The following SAMD4A variants were observed in gnomAD, a reference collection of about 807,000 sequenced individuals.
SAMD4A encodes the protein sterile alpha motif domain containing 4A.
SAMD4A carries 33 observed loss-of-function variants against 81.3 expected under a neutral mutation model. The observed-to-expected ratio is 0.41, with a 90% CI of 0.31 to 0.54. The LOEUF is 0.54. Among genes scored for constraint, SAMD4A ranks in the 20% least tolerant of loss-of-function variants. The probability of loss-of-function intolerance (pLI) is 0.37; values close to 1 mark genes in which losing one functional copy is unlikely to be tolerated. For synonymous variants in SAMD4A, 389 were observed against 382.1 expected (o/e 1.02, Z -0.21); for missense variants, 854 against 951.1 (o/e 0.90, Z 1.34).
chr14:54,565,423 G>A (rs1007651728), upstream of SAMD4A, among the ~76,000 whole-genome samples: 5 of 152,238 alleles, frequency 3.3e-5, no homozygotes, highest in African/African-American at 9.6e-5. The surrounding 1 kb of genome is among the most constrained non-coding windows in gnomAD (Gnocchi z 5.4). Context: ...CCGGCCTCTA[G>A]GAGCCTGCGC....
intron 2 of SAMD4A, among the ~76,000 whole-genome samples, chr14:54,580,106 A>G (rs1259732335): frequency 6.6e-6 from 1 of 152,222 alleles, no homozygotes; most frequent in Non-Finnish European, 1.5e-5. Flanking sequence ...ACCTGAGAAG[A>G]CTGAGGTGTA....
intron 2 of SAMD4A, among the ~76,000 whole-genome samples, chr14:54,676,077 C>T (rs138597856): frequency 3.3e-5 from 5 of 152,240 alleles, no homozygotes; most frequent in African/African-American, 9.6e-5. Flanking sequence ...AAAGCAAGGC[C>T]GCGACTCAAT....
At chr14:54,688,395 G>A in intron 2 of SAMD4A, 1 of 983,658 alleles carries the variant, frequency 1.0e-6, no homozygotes, top group Non-Finnish European at 1.2e-6. Context: ...GGGATTGTGT[G>A]GGGGTGGTTT....
In SAMD4A at chr14:54,702,541, C is replaced by A. The variant is rs1470064143; in HGVS notation, c.676C>A (p.Pro226Thr). 6.2e-7 allele frequency: 1 copy of A among 1,614,084 alleles called. No homozygotes were observed. Among genetic ancestry groups the A allele is most frequent in the South Asian group, 1.1e-5 (1 of 91,076 alleles). Residue 226 changes from proline to threonine, a missense_variant, in exon 3 of 13, where the codon CCC (proline) becomes ACC (threonine). Pro to Thr is a conservative substitution (Grantham distance 38, BLOSUM62 -1). Coordinates refer to ENST00000554335, the MANE Select transcript of SAMD4A (RefSeq NM_015589.6). ...HVPLYSSSSV[P>T]TTINTIGTST... ...GCCCCTCTACTCCTCCTCATCTGTCCCCACCACAATCAATACGATTGGAAC... is the reference window on the plus strand; with the variant it reads ...GCCCCTCTACTCCTCCTCATCTGTCACCACCACAATCAATACGATTGGAAC...
At chr14:54,700,451 G>T (rs2036686568) in intron 2 of SAMD4A, among the ~76,000 whole-genome samples, 1 of 152,204 alleles carries the variant, frequency 6.6e-6, no homozygotes, top group African/African-American at 2.4e-5. Flanking sequence ...GTCTTGAGAA[G>T]CATTGCAGCA....
Position 54,567,590 on chromosome 14 carries a change from C to T in SAMD4A, c.-327C>T. On this transcript the variant is annotated 5_prime_UTR_variant, in exon 2 of 13. Coordinates refer to ENST00000554335, the MANE Select transcript of SAMD4A (RefSeq NM_015589.6). ...GACGCCGGAAATCACCATCCCAAAG[C>T]TGCAAGAAGGGGGGAGAAAGCATTC... The T allele has an allele frequency of 3.1e-6, 1 of 319,852 alleles. No homozygotes were observed. The highest frequency in any genetic ancestry group is 5.7e-6 in the Non-Finnish European group (1 of 173,992). The allele number at this position is 319,852 out of a possible 1,614,324, so 19.8% of individuals were successfully genotyped here.
Position 54,644,651 on chromosome 14 carries a change from A to G in SAMD4A, c.197-57411A>G, listed in dbSNP as rs374458100. Among the ~76,000 whole-genome samples the G allele has an allele frequency of 2.0e-4, 31 of 152,278 alleles. No individual in the cohort carries two copies. The East Asian group carries it at 5.8e-3, about 28-fold the overall frequency. On this transcript the variant is annotated intron_variant, in intron 2 of 12. Transcript: ENST00000554335. ...ACCTCTGCATGGCCCTCGGTAAGGGAAGGGTTTAATTCTAGTGTTCAGCTT... is the reference window on the plus strand; with the variant it reads ...ACCTCTGCATGGCCCTCGGTAAGGGGAGGGTTTAATTCTAGTGTTCAGCTT...
chr14:54,685,362 T>G (rs2036239335), intron 2 of SAMD4A, among the ~76,000 whole-genome samples: 1 of 150,952 alleles, frequency 6.6e-6, no homozygotes, highest in South Asian at 2.1e-4. Flanking sequence ...GCATTTGTCC[T>G]TTTGTGTCTA....
At position 54,652,403 on chromosome 14, in the gene SAMD4A, A is replaced by T. The variant is rs1250909718; in HGVS notation, c.197-49659A>T. 2.0e-5 allele frequency among the ~76,000 whole-genome samples: 3 copies of T among 152,242 alleles called. No homozygotes were observed. The East Asian group carries it at 5.8e-4, about 29-fold the overall frequency. On this transcript the variant is annotated intron_variant, in intron 2 of 12. Coordinates refer to ENST00000554335, the MANE Select transcript of SAMD4A (RefSeq NM_015589.6). ...TCTTCAGACCAACTTGCGGCATGCC[A>T]GCACATTCCTCTCCGATGAGGTGGA...
At chr14:54,621,750 C>A (rs954224542) in intron 2 of SAMD4A, among the ~76,000 whole-genome samples, 3 of 152,172 alleles carry the variant, frequency 2.0e-5, no homozygotes, top group African/African-American at 4.8e-5. Flanking sequence ...GAAAATAAAT[C>A]TATCCCCTAA....
chr14:54,773,609 T>C (rs2038761601), intron 9 of SAMD4A, among the ~76,000 whole-genome samples: 1 of 152,232 alleles, frequency 6.6e-6, no homozygotes, highest in Non-Finnish European at 1.5e-5. Context: ...CACGTGATGC[T>C]AAGGGCTCTG....
At chr14:54,699,759 G>A (rs2036665477) in intron 2 of SAMD4A, among the ~76,000 whole-genome samples, 1 of 152,146 alleles carries the variant, frequency 6.6e-6, no homozygotes, top group African/African-American at 2.4e-5. Context: ...CTGTTGGACA[G>A]TGCTCCTCAA....
chr14:54,765,751 C>T (rs941109098), intron 8 of SAMD4A, among the ~76,000 whole-genome samples: 4 of 152,230 alleles, frequency 2.6e-5, no homozygotes, highest in Non-Finnish European at 5.9e-5. Context: ...GGCCCCTTCT[C>T]CACTTCCCTC....
intron 4 of SAMD4A, among the ~76,000 whole-genome samples, chr14:54,747,266 T>C (rs1359827820): frequency 2.0e-5 from 3 of 152,254 alleles, no homozygotes; most frequent in Non-Finnish European, 4.4e-5. Flanking sequence ...GACTGTCCAA[T>C]TTCAATTCTC....
At chr14:54,785,094 CAG>C (rs1199959249) in intron 12 of SAMD4A, among the ~76,000 whole-genome samples, 1 of 152,256 alleles carries the variant, frequency 6.6e-6, no homozygotes, top group Non-Finnish European at 1.5e-5. Context: ...TTTTGAAAAA[CAG>C]AAAACCCAGC....
At chr14:54,703,529 T>A (rs2036773165) in intron 3 of SAMD4A, 1 of 152,172 alleles carries the variant, frequency 6.6e-6, no homozygotes, top group African/African-American at 2.4e-5. Context: ...AGACCTCGTG[T>A]GCCTGTCTTC....
intron 2 of SAMD4A, among the ~76,000 whole-genome samples, chr14:54,683,979 A>G (rs2036191285): frequency 6.6e-6 from 1 of 152,216 alleles, no homozygotes; most frequent in African/African-American, 2.4e-5. Context: ...TTACTGGCTC[A>G]GATATTAATA....
At chr14:54,607,614 C>CAT (rs2034246345) in intron 2 of SAMD4A, among the ~76,000 whole-genome samples, 2 of 151,840 alleles carry the variant, frequency 1.3e-5, no homozygotes, top group African/African-American at 4.8e-5. Flanking sequence ...CGCCACCATG[C>CAT]CCGGCTAATT....
intron 2 of SAMD4A, among the ~76,000 whole-genome samples, chr14:54,677,719 C>A (rs1274954360): frequency 6.6e-6 from 1 of 152,186 alleles, no homozygotes; most frequent in East Asian, 1.9e-4. Flanking sequence ...CTCCATAACC[C>A]ACACATTCTC....
Sources: gnomAD v4.1 joint callset for allele counts (sites outside exome capture counted in the v4.1 genomes callset) on GRCh38, gnomAD v4.1.1 for gene constraint, Gnocchi (gnomAD v3.1) non-coding constraint, MANE v1.5 for transcripts, NCBI Gene and HGNC (gene_info 2026-07-23, HGNC 2026-07-21) for gene names.